The following CADPS variants were observed in gnomAD, a reference collection of about 807,000 sequenced individuals.
The protein encoded by CADPS is calcium dependent secretion activator.
A neutral mutation model predicts 167.3 loss-of-function variants in CADPS; 57 were observed. That is an observed-to-expected ratio of 0.34 (90% confidence interval 0.28 to 0.42). CADPS has a LOEUF of 0.42. Ranked by LOEUF, CADPS falls within the 20% of genes least tolerant of loss-of-function variation. CADPS has a pLI of 1.00. For missense variants in CADPS, 1,414 were observed against 1,738.1 expected (o/e 0.81, Z 3.32); for synonymous variants, 676 against 635.3 (o/e 1.06, Z -0.96).
chr3:62,530,227 A>T (rs1346073373), intron 13 of CADPS, among the ~76,000 whole-genome samples: 1 of 152,202 alleles, frequency 6.6e-6, no homozygotes, highest in Non-Finnish European at 1.5e-5. Context: ...GCTGAAAATG[A>T]TGGCACTACT....
chr3:62,739,571 C>T (rs955936286), intron 3 of CADPS, among the ~76,000 whole-genome samples: 1 of 152,162 alleles, frequency 6.6e-6, no homozygotes, highest in Non-Finnish European at 1.5e-5. Context: ...CCTCCCTATA[C>T]ATAAGGATTT....
At chr3:62,402,508 G>T (rs1273886527) in intron 29 of CADPS, among the ~76,000 whole-genome samples, 2 of 152,058 alleles carry the variant, frequency 1.3e-5, no homozygotes, top group East Asian at 1.9e-4. Flanking sequence ...TTAGTCCAAG[G>T]TGCACACACA....
intron 6 of CADPS, among the ~76,000 whole-genome samples, chr3:62,642,745 C>T (rs2067681902): frequency 6.6e-6 from 1 of 151,946 alleles, no homozygotes; most frequent in Non-Finnish European, 1.5e-5. Flanking sequence ...CCCATCTCTA[C>T]AAAAACATAC....
intron 6 of CADPS, 115 bp downstream of exon 6, chr3:62,645,607 G>C (rs969643362): frequency 8.9e-7 from 1 of 1,122,512 alleles, no homozygotes; most frequent in African/African-American, 1.6e-5. Context: ...AAATAAACAA[G>C]GTTTATGTCT....
chr3:62,479,798 G>A (rs971790574), intron 22 of CADPS, among the ~76,000 whole-genome samples: 2 of 152,290 alleles, frequency 1.3e-5, no homozygotes, highest in South Asian at 2.1e-4. Flanking sequence ...GAGAATCCAC[G>A]CCTTCTTTTC....
chr3:62,713,975 T>C (rs1463676585), intron 3 of CADPS, among the ~76,000 whole-genome samples: 1 of 152,210 alleles, frequency 6.6e-6, no homozygotes, highest in African/African-American at 2.4e-5. Flanking sequence ...ATATTCTTTA[T>C]ATTATTCCAA....
intron 1 of CADPS, among the ~76,000 whole-genome samples, chr3:62,807,017 G>A (rs1219398015): frequency 1.3e-5 from 2 of 152,158 alleles, no homozygotes; most frequent in Non-Finnish European, 2.9e-5. Context: ...TGACTTCAAT[G>A]AGTCTTTAAT....
intron 28 of CADPS, among the ~76,000 whole-genome samples, chr3:62,409,092 T>G (rs2048455187): frequency 6.6e-6 from 1 of 152,236 alleles, no homozygotes; most frequent in Non-Finnish European, 1.5e-5. Context: ...TGACTTGAAC[T>G]CAAGATGTTG....
chr3:62,725,188 C>T (rs72876480), intron 3 of CADPS, among the ~76,000 whole-genome samples: 20,327 of 152,192 alleles, frequency 0.13, 1,570 homozygotes, highest in African/African-American at 0.23. Flanking sequence ...AGAACTGTCT[C>T]GAATGATGGG....
At chr3:62,627,503 G>A (rs2064320002) in intron 6 of CADPS, among the ~76,000 whole-genome samples, 2 of 152,024 alleles carry the variant, frequency 1.3e-5, no homozygotes, top group African/African-American at 4.8e-5. Context: ...CAAATGCAGG[G>A]ATTTAAGAGA....
intron 1 of CADPS, among the ~76,000 whole-genome samples, chr3:62,846,751 C>T (rs185367488): frequency 1.3e-5 from 2 of 152,282 alleles, no homozygotes; most frequent in East Asian, 1.9e-4. Context: ...ACAACTTCCA[C>T]CTCCAGAGTT....
intron 2 of CADPS, among the ~76,000 whole-genome samples, chr3:62,754,303 C>G (rs1248693928): frequency 6.6e-6 from 1 of 152,068 alleles, no homozygotes; most frequent in Non-Finnish European, 1.5e-5. Context: ...TCCTGAGTAG[C>G]TGGGACTAAG....
At chr3:62,649,777 C>T (rs1310517097) in intron 5 of CADPS, among the ~76,000 whole-genome samples, 2 of 151,576 alleles carry the variant, frequency 1.3e-5, no homozygotes, top group Admixed American at 6.6e-5. Flanking sequence ...GTCTTAAACT[C>T]CTGAGCTCAA....
At chr3:62,545,092 G>C (rs2076249442) in intron 11 of CADPS, among the ~76,000 whole-genome samples, 1 of 152,108 alleles carries the variant, frequency 6.6e-6, no homozygotes, top group Non-Finnish European at 1.5e-5. Context: ...AGCAAAAATA[G>C]AACAGTTCTC....
intron 6 of CADPS, among the ~76,000 whole-genome samples, chr3:62,596,612 C>A (rs2058982238): frequency 6.6e-6 from 1 of 152,170 alleles, no homozygotes; most frequent in Admixed American, 6.5e-5. Context: ...CATTCAAAAT[C>A]CTCTCTAGCT....
Position 62,641,718 on chromosome 3 carries a change from T to C in CADPS, c.1325+4004A>G, listed in dbSNP as rs1453093653. Among the ~76,000 whole-genome samples, 7 of 152,244 alleles carry C rather than the reference T, an allele frequency of 4.6e-5. No individual in the cohort carries two copies. The East Asian group carries it at 5.8e-4, about 13-fold the overall frequency. On this transcript the variant is annotated intron_variant, in intron 6 of 29. Transcript: ENST00000383710. The stretch of plus-strand genomic sequence containing the variant: ...GATCGTATATTCTCCTGGCTTTCTA[T>C]GTTAAAAACGCAGGAGAGGAGGACA...
intron 10 of CADPS, among the ~76,000 whole-genome samples, chr3:62,554,780 T>C (rs2152309521): frequency 6.6e-6 from 1 of 152,202 alleles, no homozygotes; most frequent in East Asian, 1.9e-4. Flanking sequence ...TGAGACAGAG[T>C]CTCTCTCTGT....
chr3:62,614,987 G>A (rs2062037777), intron 6 of CADPS, among the ~76,000 whole-genome samples: 2 of 152,196 alleles, frequency 1.3e-5, no homozygotes, highest in Non-Finnish European at 2.9e-5. Context: ...AGATACCATT[G>A]AGAGCTCTCA....
intron 28 of CADPS, among the ~76,000 whole-genome samples, chr3:62,428,563 G>C (rs551440465): frequency 3.9e-5 from 6 of 152,074 alleles, no homozygotes; most frequent in African/African-American, 7.2e-5. Context: ...ACTGGCAAAG[G>C]CTCCCAAGCT....
Sources: allele counts gnomAD v4.1 joint callset (sites outside exome capture counted in the v4.1 genomes callset), GRCh38; gene constraint gnomAD v4.1.1; transcripts MANE v1.5; gene names NCBI Gene and HGNC (gene_info 2026-07-23, HGNC 2026-07-21).